Variants in AIG1 observed in about 807,000 individuals in gnomAD.
AIG1 encodes androgen induced 1, also known as androgen-induced gene 1 protein.
Under a neutral mutation model 31.4 loss-of-function variants are expected in AIG1, and 23 were observed. That is an observed-to-expected ratio of 0.73 (90% CI 0.53 to 1.04). AIG1 has a LOEUF of 1.04. Ranked by LOEUF, AIG1 falls within the 50% of genes least tolerant of loss-of-function variation. The probability of loss-of-function intolerance (pLI) is 0.00; values close to 1 mark genes in which losing one functional copy is unlikely to be tolerated. For synonymous variants in AIG1, 100 were observed against 110.5 expected, an observed-to-expected ratio of 0.90 and a Z score of 0.60; for missense variants, 274 against 295.0, an observed-to-expected ratio of 0.93 and a Z score of 0.52.
intron 1 of AIG1, among the ~76,000 whole-genome samples, 194 bp from the exon 2 acceptor site, chr6:143,136,641 G>A (rs886281538): frequency 6.6e-6 from 1 of 152,196 alleles, no homozygotes; most frequent in African/African-American, 2.4e-5. Flanking sequence ...AATGGAAGTG[G>A]TGTTTTAAAG....
intron 3 of AIG1, among the ~76,000 whole-genome samples, chr6:143,171,212 C>T (rs972989353): frequency 6.6e-6 from 1 of 150,996 alleles, no homozygotes; most frequent in Non-Finnish European, 1.5e-5. Context: ...TCCCTTGAGT[C>T]CCCAAAGTCC....
chr6:143,100,632 T>A (rs964717847), intron 1 of AIG1, among the ~76,000 whole-genome samples: 1 of 152,176 alleles, frequency 6.6e-6, no homozygotes, highest in African/African-American at 2.4e-5. Context: ...TCTGTAAAGA[T>A]TGCGTAAGAT....
At chr6:143,273,143 T>C (rs1796655602) in intron 3 of AIG1, among the ~76,000 whole-genome samples, 1 of 152,078 alleles carries the variant, frequency 6.6e-6, no homozygotes, top group Non-Finnish European at 1.5e-5. Context: ...AAAAATATTG[T>C]GGGAATATTT....
intron 3 of AIG1, among the ~76,000 whole-genome samples, chr6:143,261,392 A>G (rs1795773216): frequency 2.6e-5 from 4 of 152,166 alleles, no homozygotes; most frequent in African/African-American, 9.7e-5. Flanking sequence ...TCGGCCTCTC[A>G]AAGTGCTGGG....
chr6:143,334,281 A>C lies in AIG1; in HGVS notation c.679+836A>C, dbSNP rs866086494. ...TGGCTCTTTCCTCTGACACAATCAC[A>C]GCATTCTAGACATCCCCAGTAAATG... On this transcript the variant is annotated intron_variant, in intron 5 of 5. Coordinates refer to ENST00000357847, the MANE Select transcript of AIG1 (RefSeq NM_016108.4). This position sits in a 1 kb window ranked among gnomAD's most constrained non-coding sequence, Gnocchi z 5.1. 2.0e-5 allele frequency among the ~76,000 whole-genome samples: 3 copies of C among 152,258 alleles called. No individual in the cohort carries two copies. The highest frequency in any genetic ancestry group is 6.5e-5 in the Admixed American group (1 of 15,282).
At chr6:143,075,885 A>G (rs892525890) in intron 1 of AIG1, among the ~76,000 whole-genome samples, 11 of 152,160 alleles carry the variant, frequency 7.2e-5, no homozygotes, top group Non-Finnish European at 1.6e-4. Context: ...TTTTACAGAT[A>G]GCTTTTCATG....
intron 1 of AIG1, among the ~76,000 whole-genome samples, chr6:143,064,837 C>G (rs192999717): frequency 1.9e-4 from 29 of 152,276 alleles, no homozygotes; most frequent in Admixed American, 1.8e-3. Flanking sequence ...GAAGAGACCA[C>G]CAAACAGGCT....
intron 5 of AIG1, chr6:143,335,320 TC>T: frequency 3.0e-6 from 1 of 331,570 alleles, no homozygotes; most frequent in Non-Finnish European, 5.4e-6. Flanking sequence ...GATCACGAGG[TC>T]AAGAGATGGA....
chr6:143,142,958 A>G (rs1265707247), intron 2 of AIG1, among the ~76,000 whole-genome samples: 1 of 152,218 alleles, frequency 6.6e-6, no homozygotes, highest in Non-Finnish European at 1.5e-5. Flanking sequence ...ATTCTAAGCT[A>G]TCTTTAAGAG....
At position 143,122,909 on chromosome 6, in the gene AIG1, C is replaced by A. The variant is rs561819403; in HGVS notation, c.142-13926C>A. ...TCCTGACTCCATGTTTTTCTTTAAT[C>A]ATTCTAAGCCCTATGATCTATCTCT... On this transcript the variant is annotated intron_variant, in intron 1 of 5. Transcript: ENST00000357847. 3.9e-5 allele frequency among the ~76,000 whole-genome samples: 6 copies of A among 152,234 alleles called. 1 individual carries two copies. Among genetic ancestry groups the A allele is most frequent in the African/African-American group, 1.4e-4 (6 of 41,560 alleles).
chr6:143,142,027 C>T (rs926353010), intron 2 of AIG1, among the ~76,000 whole-genome samples: 3 of 152,042 alleles, frequency 2.0e-5, no homozygotes, highest in South Asian at 2.1e-4. Flanking sequence ...CCAAAGCAGC[C>T]GTTTAATGAA....
intron 3 of AIG1, among the ~76,000 whole-genome samples, chr6:143,184,915 C>T (rs72990419): frequency 0.093 from 14,179 of 152,088 alleles, 1,065 homozygotes; most frequent in East Asian, 0.36. Flanking sequence ...TATTCAATCT[C>T]GGCTGAGTGC....
In AIG1 at chr6:143,258,547, T is replaced by C. The variant is rs2128655239; in HGVS notation, c.400-25563T>C. ...TGCAAATGCTTCTGACTGCAGCCTCTGCCAGCTAATGGAGGTATTTTATGG... is the reference window on the plus strand; with the variant it reads ...TGCAAATGCTTCTGACTGCAGCCTCCGCCAGCTAATGGAGGTATTTTATGG... On this transcript the variant is annotated intron_variant, in intron 3 of 5. Transcript: ENST00000357847. This position sits in a 1 kb window ranked among gnomAD's most constrained non-coding sequence, Gnocchi z 4.7. Among the ~76,000 whole-genome samples the C allele has an allele frequency of 6.6e-6, 1 of 152,328 alleles. No homozygotes were observed. The highest frequency in any genetic ancestry group is 1.5e-5 in the Non-Finnish European group (1 of 68,024).
chr6:143,188,844 G>A, intron 3 of AIG1: 1 of 985,056 alleles, frequency 1.0e-6, no homozygotes, highest in Non-Finnish European at 1.2e-6. Context: ...TTTTTACACT[G>A]CCTGGGATTT....
At chr6:143,070,869 TTTAA>T (rs1419159544) in intron 1 of AIG1, among the ~76,000 whole-genome samples, 1 of 152,240 alleles carries the variant, frequency 6.6e-6, no homozygotes, top group East Asian at 1.9e-4. Flanking sequence ...CCCTTTTATA[TTTAA>T]TTGACATTTT....
intron 3 of AIG1, among the ~76,000 whole-genome samples, chr6:143,201,123 A>G (rs1790661841): frequency 6.6e-6 from 1 of 152,150 alleles, no homozygotes; most frequent in Non-Finnish European, 1.5e-5. Flanking sequence ...AAGCCCAAGC[A>G]GATACTACTT....
At chr6:143,166,206 T>C (rs910339440) in intron 3 of AIG1, among the ~76,000 whole-genome samples, 26 of 152,138 alleles carry the variant, frequency 1.7e-4, no homozygotes, top group African/African-American at 5.8e-4. Context: ...TCTCAGAGAA[T>C]TGGATTTTTT....
At chr6:143,062,957 AGCCC>A (rs879729139) in intron 1 of AIG1, among the ~76,000 whole-genome samples, 2 of 152,238 alleles carry the variant, frequency 1.3e-5, no homozygotes, top group Admixed American at 1.3e-4. Flanking sequence ...TTCTAGAAAC[AGCCC>A]TCAGCATCAC....
At chr6:143,221,889 A>G (rs1382025508) in intron 3 of AIG1, among the ~76,000 whole-genome samples, 2 of 152,162 alleles carry the variant, frequency 1.3e-5, no homozygotes, top group Non-Finnish European at 2.9e-5. Flanking sequence ...TTCACAGTGG[A>G]GCATGCAGTT....
Sources: allele counts gnomAD v4.1 joint callset (sites outside exome capture counted in the v4.1 genomes callset), GRCh38; gene constraint gnomAD v4.1.1; non-coding constraint Gnocchi (gnomAD v3.1); transcripts MANE v1.5; gene names NCBI Gene and HGNC (gene_info 2026-07-23, HGNC 2026-07-21).